BTAF1: variants seen among roughly 807,000 people sequenced by gnomAD.
BTAF1 encodes the protein B-TFIID TATA-box binding protein associated factor 1, also known as TATA-binding protein-associated factor 172.
BTAF1 carries 38 observed loss-of-function variants against 227.1 expected under a neutral mutation model. The ratio of observed to expected loss-of-function variants is 0.17; its 90% confidence interval spans 0.13 to 0.22. BTAF1 has a LOEUF of 0.22. BTAF1 is among the 10% of genes least tolerant of loss of function. The pLI, the probability that BTAF1 is intolerant of heterozygous loss-of-function variation, is 1.00. For synonymous variants in BTAF1, 742 were observed against 751.9 expected (o/e 0.99, Z 0.21); for missense variants, 1,598 against 2,204.0 (o/e 0.73, Z 5.51).
intron 23 of BTAF1, among the ~76,000 whole-genome samples, chr10:91,995,652 G>A (rs1849086510): frequency 6.6e-6 from 1 of 151,742 alleles, no homozygotes; most frequent in Admixed American, 6.6e-5. Context: ...CTCTAGCCTA[G>A]GCGACAGAGC....
chr10:91,962,211 A>G (rs1589819264), intron 11 of BTAF1, among the ~76,000 whole-genome samples: 1 of 152,178 alleles, frequency 6.6e-6, no homozygotes, highest in East Asian at 1.9e-4. Flanking sequence ...AAATATACCA[A>G]TATTTATCAT....
intron 30 of BTAF1, among the ~76,000 whole-genome samples, chr10:92,012,726 G>A (rs1489930983): frequency 2.2e-5 from 3 of 134,842 alleles, no homozygotes; most frequent in South Asian, 2.4e-4. Context: ...AGCCATGATC[G>A]TGCCATTGCA....
intron 19 of BTAF1, among the ~76,000 whole-genome samples, chr10:91,984,684 T>C (rs1314504534): frequency 6.6e-6 from 1 of 152,236 alleles, no homozygotes. Context: ...TGCTTAACAC[T>C]GCAGAGTATA....
chr10:91,964,067 G>A lies in BTAF1; in HGVS notation c.1405-10G>A, dbSNP rs73312394. The A allele has an allele frequency of 7.5e-5, 121 of 1,608,826 alleles. No individual in the cohort carries two copies. The African/African-American group carries it at 1.5e-3, about 20-fold the overall frequency. The stretch of plus-strand genomic sequence containing the variant: ...AAATTGATAACTTTTCTTGAAAACT[G>A]ATCTTATAGGTGCCCTTCATTATAA... On this transcript the variant is annotated splice_polypyrimidine_tract_variant and intron_variant, in intron 12 of 37. Transcript: ENST00000265990.
Position 91,984,162 on chromosome 10 carries a change from T to G in BTAF1, c.2224-39T>G, listed in dbSNP as rs371625861. On this transcript the variant is annotated intron_variant, in intron 18 of 37. Transcript: ENST00000265990. ...GATTTCTGTATCTATAAAGTTAATG[T>G]TCATACAGTTACCCTATTTGTTTTC... The G allele has an allele frequency of 9.7e-5, 151 of 1,563,294 alleles. No individual in the cohort carries two copies. In the African/African-American group the frequency reaches 1.9e-3, roughly 20 times the overall value.
At chr10:91,927,632 T>A (rs911631476) in intron 1 of BTAF1, among the ~76,000 whole-genome samples, 4 of 152,058 alleles carry the variant, frequency 2.6e-5, no homozygotes, top group Non-Finnish European at 5.9e-5. Flanking sequence ...AAAAAAAAAA[T>A]GAATGAATGA....
chr10:91,993,572 T>C, intron 21 of BTAF1, 122 bp from the exon 22 acceptor site: 1 of 767,974 alleles, frequency 1.3e-6, no homozygotes, highest in Non-Finnish European at 1.9e-6. Context: ...TAATAATTGC[T>C]TACTTGGTTA....
rs1203210382 is a variant in BTAF1, at chr10:91,992,123, C to T, written c.2859C>T (p.Ser953=). 1.3e-6 allele frequency: 2 copies of T among 1,558,026 alleles called. No individual in the cohort carries two copies. The highest frequency in any genetic ancestry group is 1.7e-6 in the Non-Finnish European group (2 of 1,149,810). The change falls in exon 21 of 38, where the codon TCC becomes TCT. Residue 953 remains serine, a synonymous_variant. Coordinates refer to ENST00000265990, the MANE Select transcript of BTAF1 (RefSeq NM_003972.3). ...GTTTAACTTTTTTCTTATTAGGATC[C>T]ACCTCAGAAAAAGATGGAATGCACC... is the stretch of plus-strand genomic sequence containing the variant. ...TQSGQENSKG[S]TSEKDGMHHT... is the part of the protein sequence containing the mutation.
At chr10:91,998,697 T>C (rs566902163) in intron 25 of BTAF1, among the ~76,000 whole-genome samples, 17 of 152,344 alleles carry the variant, frequency 1.1e-4, no homozygotes, top group African/African-American at 3.1e-4. Context: ...ATGGACATAC[T>C]GCATTTTGTT....
intron 29 of BTAF1, 43 bp downstream of exon 29, chr10:92,011,193 GAAGACTCTT>G: frequency 6.6e-7 from 1 of 1,520,290 alleles, no homozygotes; most frequent in Non-Finnish European, 8.9e-7. Context: ...TATCAAATTT[GAAGACTCTT>G]AATATTTTCC....
chr10:91,996,852 T>C (rs1026810860), intron 24 of BTAF1, among the ~76,000 whole-genome samples: 1 of 152,212 alleles, frequency 6.6e-6, no homozygotes, highest in African/African-American at 2.4e-5. Flanking sequence ...TTATGTACTT[T>C]ATGAACTATA....
At chr10:91,990,345 C>T (rs1307894532) in intron 20 of BTAF1, among the ~76,000 whole-genome samples, 1 of 152,026 alleles carries the variant, frequency 6.6e-6, no homozygotes, top group East Asian at 1.9e-4. Context: ...ATTCTCCCCC[C>T]TCTTACCCCC....
rs879818294 is a variant in BTAF1 at position 91,928,769 on chromosome 10, C to G, written c.14+4679C>G. Among the ~76,000 whole-genome samples the G allele has an allele frequency of 7.5e-3, 1,013 of 135,664 alleles. 50 individuals are homozygous for G. The highest frequency in any genetic ancestry group is 0.046 in the Admixed American group (631 of 13,756). The allele number at this position is 135,664 out of a possible 152,430, so 89.0% of individuals were successfully genotyped here. A position where few individuals can be genotyped will look rare whatever the true frequency, so the allele number is the denominator to read the frequency against. ...ACAGAGCAAGAATCCATCCCCCCCCCCCCCGCCCCCCAAAAAAAGCAACCT... is the reference window on the plus strand; with the variant it reads ...ACAGAGCAAGAATCCATCCCCCCCCGCCCCGCCCCCCAAAAAAAGCAACCT... On this transcript the variant is annotated intron_variant, in intron 1 of 37. Coordinates refer to ENST00000265990, the MANE Select transcript of BTAF1 (RefSeq NM_003972.3).
rs1356392759 is a variant in BTAF1, at chr10:92,002,010, ACACACT to A, written c.3660+4261_3660+4266del. Among the ~76,000 whole-genome samples the A allele has an allele frequency of 5.4e-3, 411 of 76,370 alleles. 1 individual carries two copies. The highest frequency in any genetic ancestry group is 0.012 in the Non-Finnish European group (338 of 28,972). The allele number at this position is 76,370 out of a possible 152,430, so 50.1% of individuals were successfully genotyped here. The stretch of plus-strand genomic sequence containing the variant: ...TACACACACACACACACACACACAC[ACACACT>A]CCATATATTCAAGGTAGAGGAGGAA... On this transcript the variant is annotated intron_variant, in intron 25 of 37. Coordinates refer to ENST00000265990, the MANE Select transcript of BTAF1 (RefSeq NM_003972.3).
Position 91,989,565 on chromosome 10 carries a change from C to G in BTAF1, c.2839C>G (p.Gln947Glu). Residue 947 changes from glutamine (Q) to glutamate (E), a missense_variant, in exon 20 of 38, where the codon CAG becomes GAG. Physicochemically the swap from Gln to Glu is conservative, Grantham distance 29. Coordinates refer to ENST00000265990, the MANE Select transcript of BTAF1 (RefSeq NM_003972.3). The stretch of plus-strand genomic sequence containing the variant: ...ATGTCCAGTACCAACACAAAGTGGC[C>G]AGGAAAATTCTAAAGGTATATACCT... ...VTCPVPTQSGQENSKGSTSEK... is the reference protein window; with the variant it reads ...VTCPVPTQSGEENSKGSTSEK... The G allele has an allele frequency of 6.3e-7, 1 of 1,597,318 alleles. No individual in the cohort carries two copies. Among genetic ancestry groups the G allele is most frequent in the East Asian group, 2.2e-5 (1 of 44,836 alleles).
At chr10:91,925,821 CTT>C (rs1843791052) in intron 1 of BTAF1, among the ~76,000 whole-genome samples, 1 of 152,164 alleles carries the variant, frequency 6.6e-6, no homozygotes, top group East Asian at 1.9e-4. Context: ...ACACTAATCT[CTT>C]TACGGAATTT....
intron 1 of BTAF1, among the ~76,000 whole-genome samples, chr10:91,926,058 G>A (rs1462492615): frequency 1.3e-5 from 2 of 152,042 alleles, no homozygotes; most frequent in Admixed American, 6.6e-5. Context: ...TGTGTTTTGG[G>A]GATAGTGTCA....
Position 91,992,295 on chromosome 10 carries a change from G to T in BTAF1, c.3031G>T (p.Val1011Phe), listed in dbSNP as rs771510969. ...TGCAGGAAGTAGTGGAAATATTCTT[G>T]TTGAACTTGATGAGGTAAGTAGTTT... ...LPAGSSGNIL[V>F]ELDEAQKPYL... Residue 1011 changes from valine to phenylalanine, a missense_variant, in exon 21 of 38, where the codon GTT becomes TTT. Val to Phe is a conservative substitution (Grantham distance 50). Transcript: ENST00000265990. 1 of 1,599,116 alleles carries T rather than the reference G, an allele frequency of 6.3e-7. No individual in the cohort carries two copies. Among genetic ancestry groups the T allele is most frequent in the Non-Finnish European group, 8.5e-7 (1 of 1,173,940 alleles).
intron 4 of BTAF1, among the ~76,000 whole-genome samples, chr10:91,945,279 A>C (rs890913149): frequency 6.6e-6 from 1 of 152,136 alleles, no homozygotes; most frequent in Middle Eastern, 3.4e-3. Context: ...GGGATGTATC[A>C]GGTTTTTTAA....
Sources: gnomAD v4.1 joint callset for allele counts (sites outside exome capture counted in the v4.1 genomes callset) on GRCh38, gnomAD v4.1.1 for gene constraint, MANE v1.5 for transcripts, NCBI Gene and HGNC (gene_info 2026-07-23, HGNC 2026-07-21) for gene names.